The following HS6ST3 variants were observed in gnomAD, a reference collection of about 807,000 sequenced individuals.
The protein encoded by HS6ST3 is heparan sulfate 6-O-sulfotransferase 3, also known as heparan-sulfate 6-O-sulfotransferase 3.
Under a neutral mutation model 36.7 loss-of-function variants are expected in HS6ST3, and 12 were observed. That is an observed-to-expected ratio of 0.33 (90% CI 0.21 to 0.53). The LOEUF is 0.53. Among genes scored for constraint, HS6ST3 ranks in the 20% least tolerant of loss-of-function variants. HS6ST3 has a pLI of 0.95. For synonymous variants in HS6ST3, 240 were observed against 257.5 expected, an observed-to-expected ratio of 0.93 and a Z score of 0.65; for missense variants, 584 against 640.9, an observed-to-expected ratio of 0.91 and a Z score of 0.96.
chr13:96,142,961 A>G (rs1250047410), intron 1 of HS6ST3, among the ~76,000 whole-genome samples: 1 of 152,134 alleles, frequency 6.6e-6, no homozygotes, highest in Non-Finnish European at 1.5e-5. Flanking sequence ...AATTGTATTT[A>G]AAAATAAATG....
intron 1 of HS6ST3, among the ~76,000 whole-genome samples, chr13:96,233,569 A>G (rs909967503): frequency 6.6e-6 from 1 of 152,240 alleles, no homozygotes; most frequent in African/African-American, 2.4e-5. Flanking sequence ...GCTGGAAAGG[A>G]TACATAACAA....
intron 1 of HS6ST3, among the ~76,000 whole-genome samples, chr13:96,740,484 A>C (rs370268620): frequency 6.6e-6 from 1 of 152,228 alleles, no homozygotes; most frequent in African/African-American, 2.4e-5. Context: ...TTACAAACAA[A>C]TGTAAAATAT....
chr13:96,228,301 C>T (rs1203191854), intron 1 of HS6ST3, among the ~76,000 whole-genome samples: 1 of 152,200 alleles, frequency 6.6e-6, no homozygotes, highest in Non-Finnish European at 1.5e-5. Context: ...CTGTGTCACT[C>T]AGGCTGGAGT....
intron 1 of HS6ST3, among the ~76,000 whole-genome samples, chr13:96,201,841 A>G (rs2054343531): frequency 6.6e-6 from 1 of 152,168 alleles, no homozygotes; most frequent in Non-Finnish European, 1.5e-5. Context: ...TGAACTTGTT[A>G]GTGTTGCAAG....
chr13:96,628,695 A>G (rs543259996), intron 1 of HS6ST3, among the ~76,000 whole-genome samples: 1 of 152,090 alleles, frequency 6.6e-6, no homozygotes, highest in Non-Finnish European at 1.5e-5. Flanking sequence ...CACTATGTCT[A>G]ACTGGTTAAA....
intron 1 of HS6ST3, among the ~76,000 whole-genome samples, chr13:96,215,096 G>C (rs1013253922): frequency 6.6e-6 from 1 of 152,204 alleles, no homozygotes; most frequent in Non-Finnish European, 1.5e-5. Flanking sequence ...TTTGCCATGG[G>C]ATGAGGATGG....
intron 1 of HS6ST3, among the ~76,000 whole-genome samples, chr13:96,285,811 CA>C (rs537453527): frequency 1.1e-4 from 16 of 152,222 alleles, no homozygotes; most frequent in African/African-American, 3.6e-4. Flanking sequence ...TGGATAGATC[CA>C]GGGGCTTAAT....
intron 1 of HS6ST3, among the ~76,000 whole-genome samples, chr13:96,477,894 A>C (rs1030020725): frequency 6.6e-6 from 1 of 151,892 alleles, no homozygotes; most frequent in African/African-American, 2.4e-5. Flanking sequence ...TAAAAAAAAT[A>C]ATAATAATAT....
intron 1 of HS6ST3, among the ~76,000 whole-genome samples, chr13:96,790,507 G>A (rs2138519926): frequency 6.6e-6 from 1 of 152,136 alleles, no homozygotes; most frequent in African/African-American, 2.4e-5. Context: ...TGTTGAAAAT[G>A]AGAGAAAAAC....
chr13:96,523,078 A>G (rs2056100023), intron 1 of HS6ST3, among the ~76,000 whole-genome samples: 2 of 152,082 alleles, frequency 1.3e-5, no homozygotes, highest in African/African-American at 2.4e-5. Context: ...ATCTCTTATC[A>G]TTTGCTTGTC....
In HS6ST3 at chr13:96,337,788, T is replaced by A. The variant is rs150494028; in HGVS notation, c.707+246219T>A. Among the ~76,000 whole-genome samples, 21 of 152,226 alleles carry A rather than the reference T, an allele frequency of 1.4e-4. No homozygotes were observed. In the East Asian group the frequency reaches 3.5e-3, roughly 25 times the overall value. On this transcript the variant is annotated intron_variant, in intron 1 of 1. Transcript: ENST00000376705. ...TCTGTTTTTTTCTTTTGGGGGCAAC[T>A]GTTATTTGGAAGTAGGACCACCTAG...
chr13:96,195,732 C>T (rs1472230827), intron 1 of HS6ST3, among the ~76,000 whole-genome samples: 2 of 152,152 alleles, frequency 1.3e-5, no homozygotes, highest in Non-Finnish European at 2.9e-5. Context: ...CTATTTCCGT[C>T]AATTATCATC....
chr13:96,136,741 AAC>A (rs2054004471), intron 1 of HS6ST3, among the ~76,000 whole-genome samples: 1 of 148,624 alleles, frequency 6.7e-6, no homozygotes, highest in Non-Finnish European at 1.5e-5. Flanking sequence ...ACTACAGTGA[AAC>A]AAATTAACAT....
intron 1 of HS6ST3, among the ~76,000 whole-genome samples, chr13:96,384,271 G>T (rs1004667622): frequency 2.5e-4 from 38 of 151,680 alleles, no homozygotes; most frequent in African/African-American, 7.5e-4. Flanking sequence ...TTTTATTTTT[G>T]TTCTTTTTAT....
intron 1 of HS6ST3, among the ~76,000 whole-genome samples, chr13:96,692,673 G>C (rs1367128332): frequency 1.3e-5 from 2 of 152,094 alleles, no homozygotes; most frequent in Non-Finnish European, 2.9e-5. Context: ...TAATGTTTAA[G>C]GGGATAGCGG....
intron 1 of HS6ST3, among the ~76,000 whole-genome samples, chr13:96,120,091 GAAGA>G (rs2053918206): frequency 6.6e-6 from 1 of 152,214 alleles, no homozygotes; most frequent in Non-Finnish European, 1.5e-5. Flanking sequence ...GTCCTTCTAA[GAAGA>G]GAGAGACACA....
chr13:96,753,104 T>G (rs1876739742), intron 1 of HS6ST3, among the ~76,000 whole-genome samples: 1 of 152,214 alleles, frequency 6.6e-6, no homozygotes, highest in Non-Finnish European at 1.5e-5. Context: ...TCATTGGTGT[T>G]TTTATCTATC....
At chr13:96,279,898 A>G (rs2054766995) in intron 1 of HS6ST3, among the ~76,000 whole-genome samples, 1 of 152,122 alleles carries the variant, frequency 6.6e-6, no homozygotes, top group African/African-American at 2.4e-5. Context: ...TTGCTACTTT[A>G]ATTTTATCTT....
At chr13:96,451,793 T>C (rs531386569) in intron 1 of HS6ST3, among the ~76,000 whole-genome samples, 2 of 152,222 alleles carry the variant, frequency 1.3e-5, no homozygotes, top group African/African-American at 4.8e-5. Context: ...TAATGAGAGG[T>C]TGGGATTAAA....
Sources: gnomAD v4.1 joint callset for allele counts (sites outside exome capture counted in the v4.1 genomes callset) on GRCh38, gnomAD v4.1.1 for gene constraint, MANE v1.5 for transcripts, NCBI Gene and HGNC (gene_info 2026-07-23, HGNC 2026-07-21) for gene names.